AKT3: variants seen among roughly 807,000 people sequenced by gnomAD.
The protein encoded by AKT3 is AKT serine/threonine kinase 3.
In AKT3, 15 loss-of-function variants were observed where a neutral mutation model predicts 65.3. The ratio of observed to expected loss-of-function variants is 0.23; its 90% confidence interval spans 0.15 to 0.35. AKT3 has a LOEUF of 0.35. AKT3 is among the 10% of genes least tolerant of loss of function. The probability of loss-of-function intolerance (pLI) is 1.00; values close to 1 mark genes in which losing one functional copy is unlikely to be tolerated. For missense variants in AKT3, 243 were observed against 576.5 expected, an observed-to-expected ratio of 0.42 and a Z score of 5.92; for synonymous variants, 206 against 183.8, an observed-to-expected ratio of 1.12 and a Z score of -0.98.
intron 2 of AKT3, among the ~76,000 whole-genome samples, chr1:243,778,143 T>TA (rs1190546120): frequency 6.6e-6 from 1 of 152,194 alleles, no homozygotes; most frequent in Non-Finnish European, 1.5e-5. Flanking sequence ...TTAAAGACTA[T>TA]AAGCTGTTTG....
intron 2 of AKT3, among the ~76,000 whole-genome samples, chr1:243,771,862 C>A (rs370156623): frequency 6.6e-6 from 1 of 152,134 alleles, no homozygotes; most frequent in Non-Finnish European, 1.5e-5. Context: ...TGGAACAGAA[C>A]AGAGCCCTCA....
intron 2 of AKT3, among the ~76,000 whole-genome samples, chr1:243,764,464 G>T (rs886465721): frequency 6.6e-6 from 1 of 151,948 alleles, no homozygotes; most frequent in Non-Finnish European, 1.5e-5. Context: ...CTATACATTT[G>T]ATTTAATCTT....
chr1:243,549,655 C>T (rs150168136), intron 11 of AKT3, among the ~76,000 whole-genome samples: 135 of 152,034 alleles, frequency 8.9e-4, no homozygotes, highest in Middle Eastern at 6.8e-3. Context: ...GAACTCCCGA[C>T]CTCAAGTGAC....
At position 243,505,041 on chromosome 1, in the gene AKT3, C is replaced by T; in HGVS notation, c.*208G>A. Reference sequence around the variant, plus strand: ...CAGCATGAGACCTTAGACTGAGATACAATTTCATGCAAAAACAAAAACTGG... The same window carrying T: ...CAGCATGAGACCTTAGACTGAGATATAATTTCATGCAAAAACAAAAACTGG... On this transcript the variant is annotated 3_prime_UTR_variant, in exon 14 of 14. Coordinates refer to ENST00000673466, the MANE Select transcript of AKT3 (RefSeq NM_005465.7). 1 of 545,800 alleles carries T rather than the reference C, an allele frequency of 1.8e-6. No individual in the cohort carries two copies. The highest frequency in any genetic ancestry group is 3.3e-6 in the Non-Finnish European group (1 of 307,664). 33.8% of individuals were successfully genotyped at this position (545,800 alleles called of 1,614,324 possible). A position where few individuals can be genotyped will look rare whatever the true frequency, so the allele number is the denominator to read the frequency against.
intron 12 of AKT3, among the ~76,000 whole-genome samples, chr1:243,543,209 C>T (rs1672436111): frequency 6.6e-6 from 1 of 152,164 alleles, no homozygotes; most frequent in African/African-American, 2.4e-5. Flanking sequence ...CATGTCTAAC[C>T]CAGTGGAGCT....
chr1:243,656,401 A>C (rs895096461), intron 4 of AKT3, among the ~76,000 whole-genome samples: 1 of 152,232 alleles, frequency 6.6e-6, no homozygotes, highest in Non-Finnish European at 1.5e-5. Context: ...GGAAGAACTT[A>C]CAGTCTGATG....
chr1:243,506,570 T>C (rs1669681839), intron 13 of AKT3, among the ~76,000 whole-genome samples: 1 of 152,252 alleles, frequency 6.6e-6, no homozygotes, highest in South Asian at 2.1e-4. Flanking sequence ...ATCACTGTTT[T>C]TCTTTTCTGT....
intron 3 of AKT3, among the ~76,000 whole-genome samples, chr1:243,677,636 T>C (rs1010544376): frequency 1.7e-4 from 26 of 152,272 alleles, no homozygotes; most frequent in African/African-American, 6.3e-4. Context: ...TATTTTTTTT[T>C]CCACAGGAAA....
At chr1:243,815,131 G>A (rs563344877) in intron 2 of AKT3, among the ~76,000 whole-genome samples, 1 of 152,206 alleles carries the variant, frequency 6.6e-6, no homozygotes, top group South Asian at 2.1e-4. Context: ...ATGATCATAC[G>A]AAGAGGCTGG....
chr1:243,610,335 A>G (rs76766199), intron 8 of AKT3, among the ~76,000 whole-genome samples: 1 of 152,218 alleles, frequency 6.6e-6, no homozygotes, highest in Non-Finnish European at 1.5e-5. Context: ...AGCACCAACT[A>G]TGTACAAGCA....
At position 243,664,902 on chromosome 1, in the gene AKT3, G is replaced by A. The variant is rs762429383; in HGVS notation, c.173-19C>T. ...TGGCATTCTAAGAATAAAATAAAATGTTTCTTTAAATATGGATATATTTAA... is the reference window on the plus strand; with the variant it reads ...TGGCATTCTAAGAATAAAATAAAATATTTCTTTAAATATGGATATATTTAA... On this transcript the variant is annotated intron_variant, in intron 3 of 13. Coordinates refer to ENST00000673466, the MANE Select transcript of AKT3 (RefSeq NM_005465.7). The A allele has an allele frequency of 7.2e-7, 1 of 1,394,422 alleles. No individual in the cohort carries two copies. Among genetic ancestry groups the A allele is most frequent in the Non-Finnish European group, 9.8e-7 (1 of 1,019,948 alleles). The allele number at this position is 1,394,422 out of a possible 1,614,324, so 86.4% of individuals were successfully genotyped here. A position where few individuals can be genotyped will look rare whatever the true frequency, so the allele number is the denominator to read the frequency against.
chr1:243,500,022 A>G lies in AKT3; in HGVS notation c.*5227T>C, dbSNP rs1669102356. ...ATGTTTTCAGAAATGGCTTGAAGTT[A>G]TGTGTTTAAATCTGCTCATTCGTAT... On this transcript the variant is annotated 3_prime_UTR_variant, in exon 14 of 14. Coordinates refer to ENST00000673466, the MANE Select transcript of AKT3 (RefSeq NM_005465.7). The G allele has an allele frequency of 8.6e-6, 5 of 579,596 alleles. No individual in the cohort carries two copies. In the South Asian group the frequency reaches 1.1e-4, roughly 13 times the overall value. 35.9% of individuals were successfully genotyped at this position (579,596 alleles called of 1,614,324 possible).
chr1:243,710,295 G>GT (rs1686064663), intron 2 of AKT3, among the ~76,000 whole-genome samples: 1 of 151,966 alleles, frequency 6.6e-6, no homozygotes, highest in Non-Finnish European at 1.5e-5. Context: ...CTTTGGTACT[G>GT]TAAGTTGTTT....
At chr1:243,807,356 G>T (rs1194713594) in intron 2 of AKT3, among the ~76,000 whole-genome samples, 2 of 152,156 alleles carry the variant, frequency 1.3e-5, no homozygotes, top group Non-Finnish European at 2.9e-5. Flanking sequence ...TTTTCCAACG[G>T]ACTTAGCAAA....
chr1:243,583,722 T>A (rs1161959777), intron 8 of AKT3, among the ~76,000 whole-genome samples: 1 of 152,046 alleles, frequency 6.6e-6, no homozygotes, highest in Non-Finnish European at 1.5e-5. Flanking sequence ...GAATGTCTTC[T>A]GGGTAAACAA....
chr1:243,738,289 A>G (rs2148166799), intron 2 of AKT3, among the ~76,000 whole-genome samples: 1 of 152,340 alleles, frequency 6.6e-6, no homozygotes, highest in East Asian at 1.9e-4. Flanking sequence ...TGAAGACTAC[A>G]GACCCTGTTG....
chr1:243,608,531 C>G (rs1330019889), intron 8 of AKT3, among the ~76,000 whole-genome samples: 1 of 152,074 alleles, frequency 6.6e-6, no homozygotes, highest in Non-Finnish European at 1.5e-5. Context: ...GTATTATGAA[C>G]TTACCAGAGC....
intron 2 of AKT3, among the ~76,000 whole-genome samples, chr1:243,770,479 T>C: frequency 6.6e-6 from 1 of 152,040 alleles, no homozygotes. Flanking sequence ...CAAGTAAAAC[T>C]AATTGCTTTA....
At chr1:243,805,969 A>C (rs1214670358) in intron 2 of AKT3, among the ~76,000 whole-genome samples, 1 of 152,140 alleles carries the variant, frequency 6.6e-6, no homozygotes, top group Non-Finnish European at 1.5e-5. Flanking sequence ...ACTACTCCCA[A>C]ATTTTCTGAA....
Sources: allele counts gnomAD v4.1 joint callset (sites outside exome capture counted in the v4.1 genomes callset), GRCh38; gene constraint gnomAD v4.1.1; transcripts MANE v1.5; gene names NCBI Gene and HGNC (gene_info 2026-07-23, HGNC 2026-07-21).